The following STK32A variants were observed in gnomAD, a reference collection of about 807,000 sequenced individuals.
STK32A encodes the protein serine/threonine-protein kinase 32A.
STK32A carries 41 observed loss-of-function variants against 53.2 expected under a neutral mutation model. The observed-to-expected ratio is 0.77, with a 90% CI of 0.60 to 1.00. STK32A has a LOEUF of 1.00. Among genes scored for constraint, STK32A ranks in the 50% least tolerant of loss-of-function variants. The pLI is 0.00. For synonymous variants in STK32A, 166 were observed against 162.8 expected (o/e 1.02, Z -0.15); for missense variants, 458 against 485.8 (o/e 0.94, Z 0.54).
chr5:147,320,156 A>G (rs1754235945), intron 4 of STK32A, among the ~76,000 whole-genome samples: 1 of 152,216 alleles, frequency 6.6e-6, no homozygotes, highest in Non-Finnish European at 1.5e-5. Flanking sequence ...ACAACTCCTT[A>G]AAGGAATTTG....
intron 4 of STK32A, among the ~76,000 whole-genome samples, chr5:147,280,712 A>G (rs1478969202): frequency 6.6e-6 from 1 of 151,870 alleles, no homozygotes; most frequent in Non-Finnish European, 1.5e-5. Context: ...TCACTCTGGT[A>G]TCGGAAAACA....
chr5:147,316,051 T>C (rs1753976967), intron 4 of STK32A, among the ~76,000 whole-genome samples: 2 of 152,168 alleles, frequency 1.3e-5, no homozygotes, highest in Non-Finnish European at 2.9e-5. Flanking sequence ...TATATCCTAA[T>C]AACAAGAAAG....
chr5:147,236,311 A>G (rs927756355), intron 1 of STK32A, among the ~76,000 whole-genome samples: 3 of 152,124 alleles, frequency 2.0e-5, no homozygotes, highest in African/African-American at 7.2e-5. Context: ...TCCTCCTTTT[A>G]CATTTCATAT....
chr5:147,299,179 TTAATAATATGCC>T (rs1365417680), intron 4 of STK32A, among the ~76,000 whole-genome samples: 1 of 152,164 alleles, frequency 6.6e-6, no homozygotes, highest in African/African-American at 2.4e-5. Context: ...TATGGTTTTT[TTAATAATATGCC>T]AAACAAGGGG....
intron 2 of STK32A, among the ~76,000 whole-genome samples, chr5:147,268,138 C>T (rs991038761): frequency 1.9e-5 from 1 of 53,516 alleles, no homozygotes; most frequent in Non-Finnish European, 3.7e-5. Context: ...ATTTATGTGG[C>T]TCTCAATACA....
intron 2 of STK32A, among the ~76,000 whole-genome samples, chr5:147,241,999 T>C (rs1431198330): frequency 1.3e-5 from 2 of 152,230 alleles, no homozygotes; most frequent in African/African-American, 4.8e-5. Flanking sequence ...GAAAGCTACA[T>C]AACCAAAGAA....
intron 2 of STK32A, among the ~76,000 whole-genome samples, chr5:147,276,867 G>A (rs775601527): frequency 6.6e-6 from 1 of 152,110 alleles, no homozygotes; most frequent in Non-Finnish European, 1.5e-5. Flanking sequence ...AGAAAATGGA[G>A]GCTCAAAGAG....
rs973255912 is a variant in STK32A, at chr5:147,336,186, A to G, written c.435-6820A>G. Among the ~76,000 whole-genome samples the G allele has an allele frequency of 2.0e-5, 3 of 152,206 alleles. No individual in the cohort carries two copies. The East Asian group carries it at 5.8e-4, about 29-fold the overall frequency. On this transcript the variant is annotated intron_variant, in intron 5 of 12. Transcript: ENST00000397936. Reference sequence around the variant, plus strand: ...CCCATATATATACATACACACTCATATACTACACACAGTATAGCCTATACA... The same window carrying G: ...CCCATATATATACATACACACTCATGTACTACACACAGTATAGCCTATACA...
In STK32A at chr5:147,383,955, G is replaced by T. The variant is rs749127112; in HGVS notation, c.1163G>T (p.Gly388Val). 10 of 1,608,522 alleles carry T rather than the reference G, an allele frequency of 6.2e-6. No homozygotes were observed. Among genetic ancestry groups the T allele is most frequent in the Admixed American group, 1.7e-5 (1 of 58,976 alleles). Reference sequence around the variant, plus strand: ...TTGGAACAAACCAAAGACCCACAAGGTGAGGATGGTCAGAATAACAACTTG... The same window carrying T: ...TTGGAACAAACCAAAGACCCACAAGTTGAGGATGGTCAGAATAACAACTTG... ...LALEQTKDPQ[G>V]EDGQNNNL The change falls in exon 13 of 13, where the codon GGT becomes GTT. Residue 388 changes from glycine to valine, a missense_variant. Physicochemically the swap from Gly to Val is moderately radical, Grantham distance 109 (BLOSUM62 -3). Transcript: ENST00000397936.
chr5:147,356,247 T>C (rs1379420028), intron 7 of STK32A, among the ~76,000 whole-genome samples: 3 of 152,170 alleles, frequency 2.0e-5, no homozygotes, highest in Admixed American at 2.0e-4. Context: ...ATGATGAAGG[T>C]AGAATGTCTG....
chr5:147,240,362 G>GA (rs967330985), intron 2 of STK32A, among the ~76,000 whole-genome samples: 4 of 152,098 alleles, frequency 2.6e-5, no homozygotes, highest in Admixed American at 2.6e-4. Context: ...TTGTCTGGGG[G>GA]AAAAAAATGC....
chr5:147,322,855 C>T (rs1754385077), intron 4 of STK32A, among the ~76,000 whole-genome samples: 1 of 152,108 alleles, frequency 6.6e-6, no homozygotes, highest in South Asian at 2.1e-4. Context: ...GTGTGAAGCC[C>T]ATGTCTGATC....
At chr5:147,323,765 A>G (rs749717471) in intron 4 of STK32A, 133 bp from the exon 5 acceptor site, 69 of 684,860 alleles carry the variant, frequency 1.0e-4, no homozygotes, top group Non-Finnish European at 1.4e-4. Context: ...AGCTAGTGAT[A>G]GACCACCTAC....
chr5:147,271,932 C>T (rs1014412100), intron 2 of STK32A, among the ~76,000 whole-genome samples: 6 of 152,128 alleles, frequency 3.9e-5, no homozygotes, highest in South Asian at 4.2e-4. Context: ...TTGTGGAGCA[C>T]GTGATCTCTG....
intron 4 of STK32A, among the ~76,000 whole-genome samples, chr5:147,323,568 A>C (rs1467146161): frequency 1.3e-5 from 2 of 152,148 alleles, no homozygotes; most frequent in African/African-American, 2.4e-5. Flanking sequence ...ATTAGCAATA[A>C]ATGGATAACT....
intron 7 of STK32A, among the ~76,000 whole-genome samples, chr5:147,355,701 A>AAAAAAT (rs1404307644): frequency 7.9e-5 from 12 of 151,858 alleles, no homozygotes; most frequent in Non-Finnish European, 1.6e-4. Flanking sequence ...TGAATAAAAT[A>AAAAAAT]AAAAATAAAA....
chr5:147,265,099 A>C (rs201228385), intron 2 of STK32A, among the ~76,000 whole-genome samples: 1 of 8,124 alleles, frequency 1.2e-4, no homozygotes, highest in South Asian at 1.2e-3. Context: ...ATATGTGTGT[A>C]TATATATATA....
chr5:147,250,669 C>T (rs552169588), intron 2 of STK32A, among the ~76,000 whole-genome samples: 5 of 152,112 alleles, frequency 3.3e-5, no homozygotes, highest in South Asian at 2.1e-4. Flanking sequence ...GGGCCCAGTG[C>T]GGTGGCTCAC....
chr5:147,277,136 G>C (rs545915526), intron 2 of STK32A, among the ~76,000 whole-genome samples: 1 of 152,182 alleles, frequency 6.6e-6, no homozygotes, highest in South Asian at 2.1e-4. Flanking sequence ...AGAAAAACTA[G>C]TTCTTTTAAA....
Sources: allele counts gnomAD v4.1 joint callset (sites outside exome capture counted in the v4.1 genomes callset), GRCh38; gene constraint gnomAD v4.1.1; transcripts MANE v1.5; gene names NCBI Gene and HGNC (gene_info 2026-07-23, HGNC 2026-07-21).